Variants in UHMK1 observed in about 807,000 individuals in gnomAD.
UHMK1 encodes the protein serine/threonine-protein kinase Kist.
A neutral mutation model predicts 44.0 loss-of-function variants in UHMK1; 18 were observed. The observed-to-expected ratio is 0.41, with a 90% confidence interval of 0.28 to 0.61. The LOEUF (loss-of-function observed/expected upper bound fraction) is 0.61, where lower values mean the gene tolerates loss of function less well. Ranked by LOEUF, UHMK1 falls within the 20% of genes least tolerant of loss-of-function variation. UHMK1 has a pLI of 0.31. For synonymous variants in UHMK1, 231 were observed against 198.5 expected, an observed-to-expected ratio of 1.16 and a Z score of -1.38; for missense variants, 463 against 522.5, an observed-to-expected ratio of 0.89 and a Z score of 1.11.
At chr1:162,519,868 G>C (rs933018378) in intron 7 of UHMK1, among the ~76,000 whole-genome samples, 3 of 152,084 alleles carry the variant, frequency 2.0e-5, no homozygotes, top group Non-Finnish European at 2.9e-5. Flanking sequence ...TGTCCTCTAG[G>C]GGGTGAAGTC....
Position 162,512,507 on chromosome 1 carries a change from C to T in UHMK1, c.856C>T (p.His286Tyr). ...HLRDLIKSML[H>Y]DDPSRRIPAE... The stretch of plus-strand genomic sequence containing the variant: ...CCTATTTTTGTGTTTTAGCATGCTT[C>T]ATGATGATCCAAGCAGAAGAATTCC... Residue 286 changes from histidine (H) to tyrosine (Y), a missense_variant, in exon 5 of 8, where the codon CAT becomes TAT. By Grantham distance (83) the His-to-Tyr change is moderately conservative. Coordinates refer to ENST00000489294, the MANE Select transcript of UHMK1 (RefSeq NM_175866.5). The T allele has an allele frequency of 6.2e-7, 1 of 1,609,660 alleles. No individual in the cohort carries two copies. Among genetic ancestry groups the T allele is most frequent in the Non-Finnish European group, 8.5e-7 (1 of 1,179,026 alleles).
chr1:162,520,656 C>T (rs1326530162), intron 7 of UHMK1, among the ~76,000 whole-genome samples: 1 of 152,124 alleles, frequency 6.6e-6, no homozygotes, highest in Non-Finnish European at 1.5e-5. Context: ...CTGAGTATTC[C>T]TGGCAGATTT....
At position 162,528,885 on chromosome 1, in the gene UHMK1, T is replaced by A. The variant is rs2101692378; in HGVS notation, c.*6335T>A. 1.3e-5 allele frequency: 2 copies of A among 152,290 alleles called. 1 individual carries two copies. The highest frequency in any genetic ancestry group is 3.9e-4 in the East Asian group (2 of 5,188). The allele number at this position is 152,290 out of a possible 1,614,324, so 9.4% of individuals were successfully genotyped here. A position where few individuals can be genotyped will look rare whatever the true frequency, so the allele number is the denominator to read the frequency against. Reference sequence around the variant, plus strand: ...GGGTTCCATCTTTGCTATCTGTTGATCAGCCTTAGAAAATCTAAGTATGAT... The same window carrying A: ...GGGTTCCATCTTTGCTATCTGTTGAACAGCCTTAGAAAATCTAAGTATGAT... On this transcript the variant is annotated 3_prime_UTR_variant, in exon 8 of 8. Coordinates refer to ENST00000489294, the MANE Select transcript of UHMK1 (RefSeq NM_175866.5).
At chr1:162,514,166 A>G (rs890459497) in intron 6 of UHMK1, among the ~76,000 whole-genome samples, 18 of 152,244 alleles carry the variant, frequency 1.2e-4, no homozygotes, top group Admixed American at 4.6e-4. Context: ...GCACATGCCT[A>G]TAATCCCAGC....
chr1:162,509,065 G>A (rs1423251552), intron 4 of UHMK1, among the ~76,000 whole-genome samples: 6 of 152,262 alleles, frequency 3.9e-5, no homozygotes, highest in South Asian at 2.1e-4. Flanking sequence ...GATTACAGGC[G>A]TGAGCCACCA....
intron 1 of UHMK1, among the ~76,000 whole-genome samples, chr1:162,499,420 GTC>G (rs1034781313): frequency 2.0e-5 from 3 of 152,120 alleles, no homozygotes; most frequent in Admixed American, 1.3e-4. Flanking sequence ...TCCTGCCTCG[GTC>G]TCTCAGAATG....
chr1:162,522,685 A>ACTGC lies in UHMK1; in HGVS notation c.*135_*136insCTGC. 9.7e-7 allele frequency: 1 copy of ACTGC among 1,031,750 alleles called. No individual in the cohort carries two copies. The highest frequency in any genetic ancestry group is 1.4e-6 in the Non-Finnish European group (1 of 724,164). The allele number at this position is 1,031,750 out of a possible 1,614,324, so 63.9% of individuals were successfully genotyped here. Reference sequence around the variant, plus strand: ...TATTTAATCCTACTAATGTGCAGCCATTGCCCAAGCAGTGACTGCGTTGCA... The same window carrying ACTGC: ...TATTTAATCCTACTAATGTGCAGCCACTGCTTGCCCAAGCAGTGACTGCGTTGCA... On this transcript the variant is annotated 3_prime_UTR_variant, in exon 8 of 8. Transcript: ENST00000489294.
Position 162,501,120 on chromosome 1 carries a change from G to C in UHMK1, c.753+16G>C. The stretch of plus-strand genomic sequence containing the variant: ...GGAATGGAAGGTAAACTTCACCAGT[G>C]CTTTGCTTTGGGGTCCTTACTTTCA... On this transcript the variant is annotated intron_variant, in intron 3 of 7. Transcript: ENST00000489294. The C allele has an allele frequency of 6.2e-7, 1 of 1,612,140 alleles. No homozygotes were observed. The highest frequency in any genetic ancestry group is 8.5e-7 in the Non-Finnish European group (1 of 1,179,078).
chr1:162,500,903 T>A lies in UHMK1; in HGVS notation c.562-10T>A. ...TTTTATTGGTTGTAATATTTACTCA[T>A]CTTTTTTAGGATGTAAAGTATATTC... On this transcript the variant is annotated splice_polypyrimidine_tract_variant and intron_variant, in intron 2 of 7. Transcript: ENST00000489294. 1 of 1,607,490 alleles carries A rather than the reference T, an allele frequency of 6.2e-7. No individual in the cohort carries two copies. The highest frequency in any genetic ancestry group is 2.2e-5 in the East Asian group (1 of 44,762).
intron 4 of UHMK1, among the ~76,000 whole-genome samples, chr1:162,506,618 GT>G (rs1214886390): frequency 1.3e-5 from 2 of 152,172 alleles, no homozygotes; most frequent in Non-Finnish European, 2.9e-5. Flanking sequence ...TCTGTTGAAA[GT>G]TTGATGACTC....
At chr1:162,517,789 G>C (rs994465487) in intron 6 of UHMK1, among the ~76,000 whole-genome samples, 1 of 152,040 alleles carries the variant, frequency 6.6e-6, no homozygotes, top group Non-Finnish European at 1.5e-5. Flanking sequence ...GGAGGCTGAG[G>C]GAGAAGAATC....
In UHMK1 at chr1:162,503,890, T is replaced by G. The variant is rs200115253; in HGVS notation, c.848+42T>G. ...ATAAACTTGCTTTGCATTCATGTAC[T>G]ATGTGAAATGGTACGTCTTTTTTTT... On this transcript the variant is annotated intron_variant, in intron 4 of 7. Transcript: ENST00000489294. 376 of 1,452,376 alleles carry G rather than the reference T, an allele frequency of 2.6e-4. 1 individual carries two copies. The African/African-American group carries it at 4.2e-3, about 16-fold the overall frequency. The allele number at this position is 1,452,376 out of a possible 1,614,324, so 90.0% of individuals were successfully genotyped here.
At chr1:162,504,542 TG>T (rs1168946803) in intron 4 of UHMK1, among the ~76,000 whole-genome samples, 15 of 152,264 alleles carry the variant, frequency 9.9e-5, no homozygotes, top group African/African-American at 3.4e-4. Context: ...TGTAATACAA[TG>T]GTAAGTATTG....
intron 5 of UHMK1, 35 bp downstream of exon 5, chr1:162,512,611 A>G: frequency 6.2e-7 from 1 of 1,604,302 alleles, no homozygotes; most frequent in South Asian, 1.1e-5. Flanking sequence ...TTTCTTGGTC[A>G]TTTGACAGTC....
At chr1:162,498,963 G>A (rs1651165686) in intron 1 of UHMK1, among the ~76,000 whole-genome samples, 1 of 152,150 alleles carries the variant, frequency 6.6e-6, no homozygotes, top group Non-Finnish European at 1.5e-5. Flanking sequence ...AATTTGAAGA[G>A]TGAGTTTTTT....
In UHMK1 at chr1:162,522,563, G is replaced by C; in HGVS notation, c.*13G>C. 6.2e-7 allele frequency: 1 copy of C among 1,608,354 alleles called. No individual in the cohort carries two copies. The highest frequency in any genetic ancestry group is 8.5e-7 in the Non-Finnish European group (1 of 1,177,616). ...AACCTTGCTTTAATCAGTAACCTAAGGACTGTTTCCTTTTTCTCCTCTTCC... is the reference window on the plus strand; with the variant it reads ...AACCTTGCTTTAATCAGTAACCTAACGACTGTTTCCTTTTTCTCCTCTTCC... On this transcript the variant is annotated 3_prime_UTR_variant, in exon 8 of 8. Coordinates refer to ENST00000489294, the MANE Select transcript of UHMK1 (RefSeq NM_175866.5).
rs1044444149 is a variant in UHMK1, at chr1:162,510,670, A to AT, written c.849-1820dup. ...TTACTTTTTACACATCTGTTTTTTA[A>AT]TTTTTTTTTTAAGCTAACATGCAAG... On this transcript the variant is annotated intron_variant, in intron 4 of 7. Coordinates refer to ENST00000489294, the MANE Select transcript of UHMK1 (RefSeq NM_175866.5). Among the ~76,000 whole-genome samples the AT allele has an allele frequency of 3.0e-4, 44 of 145,016 alleles. 1 individual carries two copies. The East Asian group carries it at 3.2e-3, about 11-fold the overall frequency.
intron 3 of UHMK1, among the ~76,000 whole-genome samples, chr1:162,502,973 A>G (rs1407916918): frequency 6.6e-6 from 1 of 152,206 alleles, no homozygotes; most frequent in Non-Finnish European, 1.5e-5. Context: ...TCATGTACAC[A>G]GTTCTAAATT....
intron 7 of UHMK1, among the ~76,000 whole-genome samples, 200 bp downstream of exon 7, chr1:162,518,390 A>C (rs61811789): frequency 6.6e-6 from 1 of 152,076 alleles, no homozygotes. Context: ...TTTAGCACTT[A>C]AAATTTTTTT....
Sources: gnomAD v4.1 joint callset for allele counts (sites outside exome capture counted in the v4.1 genomes callset) on GRCh38, gnomAD v4.1.1 for gene constraint, MANE v1.5 for transcripts, NCBI Gene and HGNC (gene_info 2026-07-23, HGNC 2026-07-21) for gene names.